The following BRD4 variants were observed in gnomAD, a reference collection of about 807,000 sequenced individuals.
BRD4 encodes bromodomain containing 4.
BRD4 carries 16 observed loss-of-function variants against 142.1 expected under a neutral mutation model. The observed-to-expected ratio is 0.11, with a 90% CI of 0.08 to 0.17. BRD4 has a LOEUF of 0.17. Among genes scored for constraint, BRD4 ranks in the 10% least tolerant of loss-of-function variants. BRD4 has a pLI of 1.00. For synonymous variants in BRD4, 833 were observed against 707.5 expected (o/e 1.18, Z -2.82); for missense variants, 1,424 against 1,810.9 (o/e 0.79, Z 3.88).
At chr19:15,316,155 CAAAAAAAAAAAAA>C (rs980486654) in intron 1 of BRD4, among the ~76,000 whole-genome samples, 2 of 33,054 alleles carry the variant, frequency 6.1e-5, no homozygotes, top group Admixed American at 3.8e-4. Flanking sequence ...GACACCGTCT[CAAAAAAAAAAAAA>C]AAAAAAAAAA....
chr19:15,319,397 G>A (rs573730111), intron 1 of BRD4, among the ~76,000 whole-genome samples: 3 of 152,194 alleles, frequency 2.0e-5, no homozygotes, highest in Non-Finnish European at 4.4e-5. Flanking sequence ...CCAGGAGGCC[G>A]ATGCTACAGT....
intron 1 of BRD4, among the ~76,000 whole-genome samples, chr19:15,277,143 T>C (rs10423828): frequency 0.036 from 5,431 of 152,288 alleles, 267 homozygotes; most frequent in African/African-American, 0.11. Context: ...GGAGCCACCA[T>C]TCACCACGTT....
rs151188744 is a variant in BRD4, at chr19:15,264,394, T to C, written c.1212+10A>G. ...CACCTTGTCCCTTCCCTCAGGCACA[T>C]CCCGCTAACCTTGATTGTGCTCATG... On this transcript the variant is annotated intron_variant, in intron 6 of 19. Transcript: ENST00000679869. 6.9e-6 allele frequency: 11 copies of C among 1,584,480 alleles called. No homozygotes were observed. The highest frequency in any genetic ancestry group is 9.5e-6 in the Non-Finnish European group (11 of 1,160,660).
chr19:15,247,482 G>T (rs113153332), intron 11 of BRD4: 18 of 233,068 alleles, frequency 7.7e-5, no homozygotes, highest in Non-Finnish European at 1.4e-4. Flanking sequence ...CGGGCAAGAA[G>T]GACAGGGTCC....
intron 13 of BRD4, 93 bp from the exon 14 acceptor site, chr19:15,243,580 T>G: frequency 1.4e-6 from 2 of 1,422,614 alleles, no homozygotes; most frequent in Non-Finnish European, 1.8e-6. Flanking sequence ...TGGACTCCAG[T>G]GCTCTCCTAC....
chr19:15,257,437 C>A, intron 7 of BRD4: 1 of 514,260 alleles, frequency 1.9e-6, no homozygotes, highest in South Asian at 2.6e-5. Flanking sequence ...CTGGAGGACA[C>A]CGCCCAGGCA....
intron 14 of BRD4, among the ~76,000 whole-genome samples, chr19:15,241,869 G>A (rs569715135): frequency 2.7e-5 from 4 of 146,860 alleles, no homozygotes; most frequent in Non-Finnish European, 4.4e-5. Context: ...CTGGAGTGCA[G>A]TGGCACGATC....
At chr19:15,240,105 G>A (rs1258402697) in intron 14 of BRD4, 83 bp from the exon 15 acceptor site, 1 of 1,504,580 alleles carries the variant, frequency 6.6e-7, no homozygotes, top group Non-Finnish European at 8.9e-7. Flanking sequence ...GAAAACGTGG[G>A]CTGTATGGAG....
chr19:15,278,561 A>G (rs921305598), intron 1 of BRD4, among the ~76,000 whole-genome samples: 15 of 151,396 alleles, frequency 9.9e-5, no homozygotes, highest in East Asian at 9.7e-4. Context: ...AAAAAAAAAA[A>G]AAAGAAATAA....
intron 1 of BRD4, among the ~76,000 whole-genome samples, chr19:15,302,155 G>C (rs1487258765): frequency 6.6e-6 from 1 of 151,418 alleles, no homozygotes; most frequent in African/African-American, 2.4e-5. Context: ...AGACAGAGTG[G>C]GACTTCATCT....
chr19:15,317,078 T>C (rs2145723068), intron 1 of BRD4, among the ~76,000 whole-genome samples: 2 of 152,284 alleles, frequency 1.3e-5, no homozygotes, highest in South Asian at 4.1e-4. Context: ...CTCCCACAGC[T>C]TATGCCACAG....
chr19:15,309,649 T>G (rs1269899814), intron 1 of BRD4, among the ~76,000 whole-genome samples: 1 of 152,152 alleles, frequency 6.6e-6, no homozygotes, highest in African/African-American at 2.4e-5. Flanking sequence ...AGCCAAAAAC[T>G]AGAAACCAAA....
At chr19:15,247,575 CGT>C (rs377487573) in intron 11 of BRD4, 8 of 232,706 alleles carry the variant, frequency 3.4e-5, no homozygotes, top group East Asian at 6.0e-5. Context: ...CGCGTGCGTG[CGT>C]GTGTCGGGGG....
chr19:15,250,826 C>T (rs900274620), intron 11 of BRD4, among the ~76,000 whole-genome samples: 2 of 152,202 alleles, frequency 1.3e-5, no homozygotes, highest in African/African-American at 4.8e-5. Context: ...GCAGACCTAA[C>T]CCCAGTGCTA....
At chr19:15,328,922 C>T (rs906966998) in intron 1 of BRD4, among the ~76,000 whole-genome samples, 1 of 152,254 alleles carries the variant, frequency 6.6e-6, no homozygotes, top group Admixed American at 6.5e-5. Flanking sequence ...TACAGGCATG[C>T]GCCACTATGC....
At chr19:15,244,919 C>CG in intron 11 of BRD4, 157 bp from the exon 12 acceptor site, 1 of 1,315,986 alleles carries the variant, frequency 7.6e-7, no homozygotes. Flanking sequence ...TTGGTCATCA[C>CG]GGGAGAGGGA....
chr19:15,292,647 G>C lies in BRD4; in HGVS notation c.-34-19514C>G, dbSNP rs993690976. 2.0e-5 allele frequency among the ~76,000 whole-genome samples: 3 copies of C among 151,530 alleles called. No homozygotes were observed. In the South Asian group the frequency reaches 6.2e-4, roughly 32 times the overall value. On this transcript the variant is annotated intron_variant, in intron 1 of 19. Transcript: ENST00000679869. ...CAAAAAATTAGCTGGGCGTGGTGGC[G>C]GGCACCTGTAGTCCCAGCTACTGAG...
chr19:15,247,257 C>T (rs2047296831), intron 11 of BRD4: 2 of 231,240 alleles, frequency 8.6e-6, no homozygotes, highest in Admixed American at 5.6e-5. Context: ...CCCATCTGCA[C>T]TGAGCGGCCG....
chr19:15,300,806 G>A (rs1160339761), intron 1 of BRD4, among the ~76,000 whole-genome samples: 11 of 152,098 alleles, frequency 7.2e-5, no homozygotes, highest in Non-Finnish European at 1.6e-4. Flanking sequence ...GATGAGCAAC[G>A]ACTAAAACTC....
Sources: allele counts gnomAD v4.1 joint callset (sites outside exome capture counted in the v4.1 genomes callset), GRCh38; gene constraint gnomAD v4.1.1; transcripts MANE v1.5; gene names NCBI Gene and HGNC (gene_info 2026-07-23, HGNC 2026-07-21).